The following DOCK1 variants were observed in gnomAD, a reference collection of about 807,000 sequenced individuals.
DOCK1 encodes the protein dedicator of cytokinesis 1, also known as dedicator of cytokinesis protein 1.
In DOCK1, 138 loss-of-function variants were observed where a neutral mutation model predicts 262.7. That is an observed-to-expected ratio of 0.53 (90% CI 0.46 to 0.61). The LOEUF is 0.61. Ranked by LOEUF, DOCK1 falls within the 20% of genes least tolerant of loss-of-function variation. The pLI, the probability that DOCK1 is intolerant of heterozygous loss-of-function variation, is 0.00. For synonymous variants in DOCK1, 866 were observed against 867.4 expected (o/e 1.00, Z 0.03); for missense variants, 1,908 against 2,370.7 (o/e 0.80, Z 4.05).
rs79369193 is a variant in DOCK1, at chr10:127,215,128, G to A, written c.2848-32880G>A. ...GGACTCCTGCCTCCCTTCCTGCCTC[G>A]CTATCAGCCTTCTTTAGAATACATC... On this transcript the variant is annotated intron_variant, in intron 27 of 51. Transcript: ENST00000623213. 1.7e-3 allele frequency among the ~76,000 whole-genome samples: 258 copies of A among 152,042 alleles called. No individual in the cohort carries two copies. The East Asian group carries it at 0.02, about 12-fold the overall frequency.
rs746815750 is a variant in DOCK1, at chr10:126,977,971, C to G, written c.154C>G (p.Arg52Gly). ...AGGGTGGTACCGAGGTTACACGTTACGAAAAAAGTCTAAGAAGGTAAGTCC... is the reference window on the plus strand; with the variant it reads ...AGGGTGGTACCGAGGTTACACGTTAGGAAAAAAGTCTAAGAAGGTAAGTCC... ...YEGWYRGYTL[R>G]KKSKKGIFPA... Residue 52 changes from arginine (R) to glycine (G), a missense_variant, in exon 3 of 52, where the codon CGA (arginine) becomes GGA (glycine). Transcript: ENST00000623213. 1 of 1,613,578 alleles carries G rather than the reference C, an allele frequency of 6.2e-7. No individual in the cohort carries two copies. Among genetic ancestry groups the G allele is most frequent in the Non-Finnish European group, 8.5e-7 (1 of 1,179,806 alleles).
chr10:127,145,586 T>G (rs2051735780), intron 27 of DOCK1, among the ~76,000 whole-genome samples: 1 of 152,188 alleles, frequency 6.6e-6, no homozygotes, highest in Non-Finnish European at 1.5e-5. Context: ...AACCCAACCC[T>G]GAGTGGGATC....
intron 1 of DOCK1, among the ~76,000 whole-genome samples, chr10:126,919,303 C>T (rs1322808304): frequency 6.6e-6 from 1 of 152,172 alleles, no homozygotes; most frequent in Non-Finnish European, 1.5e-5. Flanking sequence ...ATTGACTTCA[C>T]CAGAGGCAAA....
intron 1 of DOCK1, among the ~76,000 whole-genome samples, chr10:126,911,267 G>A (rs1428493465): frequency 6.6e-6 from 1 of 152,136 alleles, no homozygotes; most frequent in Non-Finnish European, 1.5e-5. Flanking sequence ...GTTGGAGTTT[G>A]CATTTGCCTT....
At chr10:127,245,368 C>T (rs764037930) in intron 27 of DOCK1, among the ~76,000 whole-genome samples, 5 of 152,236 alleles carry the variant, frequency 3.3e-5, no homozygotes, top group South Asian at 4.1e-4. Context: ...AAAGAGGGCA[C>T]GCACAGTGCC....
chr10:127,439,959 TC>T (rs1185060547), intron 49 of DOCK1, among the ~76,000 whole-genome samples: 2 of 152,058 alleles, frequency 1.3e-5, no homozygotes, highest in African/African-American at 4.8e-5. Flanking sequence ...GAATCTGTGT[TC>T]GTCTGTTTTG....
intron 24 of DOCK1, among the ~76,000 whole-genome samples, chr10:127,107,201 A>G (rs2048583707): frequency 6.6e-6 from 1 of 152,202 alleles, no homozygotes; most frequent in Non-Finnish European, 1.5e-5. Context: ...TTGATTTGAC[A>G]CAATAAACTA....
chr10:126,959,874 A>G (rs914338571), intron 1 of DOCK1, among the ~76,000 whole-genome samples: 12 of 151,754 alleles, frequency 7.9e-5, no homozygotes, highest in African/African-American at 2.7e-4. Flanking sequence ...CTGGAGTGCA[A>G]TGGTGCAATC....
At chr10:126,966,581 C>T (rs1415885652) in intron 1 of DOCK1, among the ~76,000 whole-genome samples, 1 of 152,124 alleles carries the variant, frequency 6.6e-6, no homozygotes, top group Non-Finnish European at 1.5e-5. Flanking sequence ...TACTAACTAT[C>T]CTAACTGGGG....
chr10:127,381,802 T>A (rs964183753), intron 37 of DOCK1, among the ~76,000 whole-genome samples: 1 of 152,222 alleles, frequency 6.6e-6, no homozygotes, highest in Non-Finnish European at 1.5e-5. Flanking sequence ...TTTCACTCTA[T>A]CAGTTCACGT....
At chr10:126,961,013 T>C (rs1442431972) in intron 1 of DOCK1, among the ~76,000 whole-genome samples, 4 of 152,140 alleles carry the variant, frequency 2.6e-5, no homozygotes, top group Admixed American at 2.6e-4. Flanking sequence ...CTTTTGTATA[T>C]TTCTTTTCAC....
At chr10:127,147,333 C>T (rs896632885) in intron 27 of DOCK1, among the ~76,000 whole-genome samples, 31 of 152,146 alleles carry the variant, frequency 2.0e-4, no homozygotes, top group African/African-American at 4.8e-4. Flanking sequence ...TTGTTCCTAA[C>T]GCCGTAGCCT....
Position 127,076,362 on chromosome 10 carries a change from G to A in DOCK1, c.2445+14586G>A, listed in dbSNP as rs145114680. On this transcript the variant is annotated intron_variant, in intron 23 of 51. Transcript: ENST00000623213. ...TAAAAATACAAAAAATTAGCTAGGC[G>A]TGGTGGCTGGCGCCTGTAGTCCCTG... Among the ~76,000 whole-genome samples the A allele has an allele frequency of 8.4e-3, 1,282 of 152,264 alleles. 16 individuals carry two copies. Among genetic ancestry groups the A allele is most frequent in the African/African-American group, 0.028 (1,162 of 41,570 alleles).
At chr10:127,164,164 T>C (rs1262720302) in intron 27 of DOCK1, among the ~76,000 whole-genome samples, 1 of 1,598 alleles carries the variant, frequency 6.3e-4, no homozygotes, top group Non-Finnish European at 1.8e-3. Context: ...GCCTCCTTTT[T>C]TTTTTTTTTT....
At chr10:127,187,296 C>T (rs902585953) in intron 27 of DOCK1, among the ~76,000 whole-genome samples, 16 of 152,172 alleles carry the variant, frequency 1.1e-4, no homozygotes, top group African/African-American at 3.9e-4. Flanking sequence ...AGAAAGAGAA[C>T]AGTAGCAAAA....
rs141048154 is a variant in DOCK1 at position 127,143,634 on chromosome 10, T to G, written c.2847+15870T>G. ...CACAACAATTTATGTCAACTGACAT[T>G]GGCGCCAACTTGGCCGGTTTTATGT... On this transcript the variant is annotated intron_variant, in intron 27 of 51. Transcript: ENST00000623213. 4.9e-4 allele frequency among the ~76,000 whole-genome samples: 75 copies of G among 152,286 alleles called. 1 individual carries two copies. In the East Asian group the frequency reaches 0.013, roughly 26 times the overall value.
chr10:127,042,567 G>C (rs2135637859), intron 19 of DOCK1, 58 bp from the exon 20 acceptor site: 1 of 1,439,066 alleles, frequency 6.9e-7, no homozygotes, highest in Non-Finnish European at 9.8e-7. Flanking sequence ...AGTTATTCCA[G>C]TGTGTGGGGG....
In DOCK1 at chr10:127,403,072, T is replaced by C; in HGVS notation, c.3945T>C (p.Ile1315=). The change falls in exon 39 of 52, where the codon ATT becomes ATC. Residue 1315 remains isoleucine, a synonymous_variant. Transcript: ENST00000623213. ...FDKGKMWEEA[I]ALGKELAEQY... is the part of the protein sequence containing the mutation. ...ACTCACAGATGTGGGAGGAGGCCAT[T>C]GCCTTGGGCAAGGAGCTAGCCGAGC... The C allele has an allele frequency of 6.2e-7, 1 of 1,612,536 alleles. No individual in the cohort carries two copies. Among genetic ancestry groups the C allele is most frequent in the Non-Finnish European group, 8.5e-7 (1 of 1,179,384 alleles).
intron 27 of DOCK1, chr10:127,153,990 G>T: frequency 1.7e-6 from 2 of 1,149,076 alleles, no homozygotes; most frequent in South Asian, 1.2e-5. Flanking sequence ...TAGAGCAGAT[G>T]CCTCAAATCA....
Sources: gnomAD v4.1 joint callset for allele counts (sites outside exome capture counted in the v4.1 genomes callset) on GRCh38, gnomAD v4.1.1 for gene constraint, MANE v1.5 for transcripts, NCBI Gene and HGNC (gene_info 2026-07-23, HGNC 2026-07-21) for gene names.